PLCB1: variants seen among roughly 807,000 people sequenced by gnomAD.
PLCB1 encodes 1-phosphatidylinositol 4,5-bisphosphate phosphodiesterase beta-1.
PLCB1 carries 46 observed loss-of-function variants against 161.8 expected under a neutral mutation model. The ratio of observed to expected loss-of-function variants is 0.28; its 90% CI spans 0.22 to 0.36. The LOEUF is 0.36. Among genes scored for constraint, PLCB1 ranks in the 10% least tolerant of loss-of-function variants. The pLI is 1.00. For synonymous variants in PLCB1, 517 were observed against 503.7 expected (o/e 1.03, Z -0.35); for missense variants, 1,016 against 1,472.5 (o/e 0.69, Z 5.07).
intron 2 of PLCB1, among the ~76,000 whole-genome samples, chr20:8,304,636 T>TTGTGTGTGTGTGTGTGTG (rs143282077): frequency 6.6e-6 from 1 of 150,434 alleles, no homozygotes; most frequent in African/African-American, 2.4e-5. Flanking sequence ...TGAGAGTGCT[T>TTGTGTGTGTGTGTGTGTG]TGTGTGTGTG....
intron 9 of PLCB1, among the ~76,000 whole-genome samples, chr20:8,682,909 G>A (rs962719836): frequency 3.3e-5 from 5 of 151,968 alleles, no homozygotes; most frequent in African/African-American, 1.2e-4. Flanking sequence ...AAATAATTAA[G>A]TATTTATACA....
rs1191328729 is a variant in PLCB1 at position 8,658,767 on chromosome 20, G to A, written c.862+63G>A. On this transcript the variant is annotated intron_variant, in intron 9 of 31. Transcript: ENST00000338037. The stretch of plus-strand genomic sequence containing the variant: ...TTCTGATTGGGGGTAGTCACACGCT[G>A]GGAGTTAGGAACACCAGTGATCGTT... 1.9e-5 allele frequency: 26 copies of A among 1,375,336 alleles called. No homozygotes were observed. The Admixed American group carries it at 5.5e-4, about 29-fold the overall frequency. 85.2% of individuals were successfully genotyped at this position (1,375,336 alleles called of 1,614,324 possible).
intron 13 of PLCB1, 69 bp from the exon 14 acceptor site, chr20:8,717,601 TG>T: frequency 8.3e-7 from 1 of 1,201,150 alleles, no homozygotes; most frequent in Non-Finnish European, 1.2e-6. Flanking sequence ...ACAGCTGATC[TG>T]GGGGTCTGGG....
At chr20:8,728,963 T>G (rs950716130) in intron 17 of PLCB1, 87 bp from the exon 18 acceptor site, 5 of 873,514 alleles carry the variant, frequency 5.7e-6, no homozygotes, top group Non-Finnish European at 8.1e-6. Context: ...ATTTTCCAAA[T>G]GGAGAAAGAT....
At chr20:8,245,398 A>G (rs1980832715) in intron 2 of PLCB1, among the ~76,000 whole-genome samples, 1 of 151,894 alleles carries the variant, frequency 6.6e-6, no homozygotes, top group African/African-American at 2.4e-5. Flanking sequence ...TAGTATGCAA[A>G]CTTCCCTGCA....
Position 8,727,326 on chromosome 20 carries a change from GA to G in PLCB1, c.1699del (p.Met567CysfsTer21). Reference sequence around the variant, plus strand: ...TAACTCAGAAAGAAATAAAAGTTTTGAAATGTCTTCCTTCGTGGAAACCAAA... The same window carrying G: ...TAACTCAGAAAGAAATAAAAGTTTTGAATGTCTTCCTTCGTGGAAACCAAA... ...EISKKRNKSF[E>X]MSSFVETKGL... On this transcript the variant is annotated frameshift_variant, in exon 17 of 32. Transcript: ENST00000338037. LOFTEE classifies it high-confidence loss of function. The G allele has an allele frequency of 6.3e-7, 1 of 1,597,786 alleles. No homozygotes were observed.
At chr20:8,392,872 G>A (rs775047959) in intron 3 of PLCB1, among the ~76,000 whole-genome samples, 5 of 152,120 alleles carry the variant, frequency 3.3e-5, no homozygotes, top group East Asian at 1.9e-4. Context: ...AGGTATTTTC[G>A]TAGATGAAAG....
intron 3 of PLCB1, among the ~76,000 whole-genome samples, chr20:8,402,865 TA>T (rs1431854843): frequency 2.6e-5 from 4 of 151,890 alleles, no homozygotes; most frequent in Admixed American, 1.3e-4. Context: ...AAAAAAAATT[TA>T]AAAAAAGTTT....
chr20:8,683,217 C>T (rs1177102754), intron 9 of PLCB1, among the ~76,000 whole-genome samples: 2 of 151,802 alleles, frequency 1.3e-5, no homozygotes, highest in African/African-American at 4.8e-5. Flanking sequence ...AAGAATTATA[C>T]ACACACACGG....
chr20:8,644,894 A>G (rs1989114756), intron 4 of PLCB1, among the ~76,000 whole-genome samples: 2 of 152,218 alleles, frequency 1.3e-5, no homozygotes, highest in African/African-American at 2.4e-5. Context: ...AAGGGGGGAA[A>G]GGTGGGGAAA....
At chr20:8,575,701 G>T (rs931236754) in intron 3 of PLCB1, among the ~76,000 whole-genome samples, 6 of 152,222 alleles carry the variant, frequency 3.9e-5, no homozygotes, top group African/African-American at 1.4e-4. Context: ...TGTTTGCACT[G>T]TAAGGCTGGA....
chr20:8,424,824 G>A (rs1043002103), intron 3 of PLCB1, among the ~76,000 whole-genome samples: 3 of 152,070 alleles, frequency 2.0e-5, no homozygotes, highest in African/African-American at 7.2e-5. Context: ...AAGAATGAAG[G>A]AACAAAGAAG....
chr20:8,275,017 G>A (rs963945622), intron 2 of PLCB1, among the ~76,000 whole-genome samples: 2 of 151,974 alleles, frequency 1.3e-5, no homozygotes, highest in African/African-American at 4.8e-5. Flanking sequence ...ATTCTCTCTT[G>A]TCTTTTAAAG....
At chr20:8,749,718 C>A (rs1981353507) in intron 23 of PLCB1, among the ~76,000 whole-genome samples, 1 of 151,908 alleles carries the variant, frequency 6.6e-6, no homozygotes, top group South Asian at 2.1e-4. Flanking sequence ...GTTCTTTTAC[C>A]CTTTGATAGC....
At chr20:8,714,085 C>G (rs1440380213) in intron 12 of PLCB1, among the ~76,000 whole-genome samples, 1 of 152,134 alleles carries the variant, frequency 6.6e-6, no homozygotes, top group South Asian at 2.1e-4. Flanking sequence ...ATGTCATCTA[C>G]TTTGGCACAT....
Position 8,132,464 on chromosome 20 carries a change from C to T in PLCB1, c.-188C>T. ...GGCATGGCCGGGCGCTGCGCCCCCG[C>T]GCGCTCTGCCTGCTGAGCGGCGCCG... On this transcript the variant is annotated 5_prime_UTR_variant, in exon 1 of 32. Coordinates refer to ENST00000338037, the MANE Select transcript of PLCB1 (RefSeq NM_015192.4). The surrounding 1 kb of genome is among the most constrained non-coding windows in gnomAD (Gnocchi z 5.2). 6.0e-6 allele frequency: 2 copies of T among 333,020 alleles called. No individual in the cohort carries two copies. Among genetic ancestry groups the T allele is most frequent in the Non-Finnish European group, 1.1e-5 (2 of 184,244 alleles). 20.6% of individuals were successfully genotyped at this position (333,020 alleles called of 1,614,324 possible).
In PLCB1 at chr20:8,745,811, T is replaced by C. The variant is rs530496266; in HGVS notation, c.2523+4238T>C. On this transcript the variant is annotated intron_variant, in intron 23 of 31. Coordinates refer to ENST00000338037, the MANE Select transcript of PLCB1 (RefSeq NM_015192.4). Reference sequence around the variant, plus strand: ...ACAGTTAATTCCTTTAAATAAAAAGTCACGTAGAAAAATATAAAAACATAG... The same window carrying C: ...ACAGTTAATTCCTTTAAATAAAAAGCCACGTAGAAAAATATAAAAACATAG... 1.3e-3 allele frequency among the ~76,000 whole-genome samples: 194 copies of C among 152,250 alleles called. 1 individual carries two copies. The highest frequency in any genetic ancestry group is 4.6e-3 in the African/African-American group (192 of 41,562).
chr20:8,868,360 G>A (rs1987498532), intron 31 of PLCB1, among the ~76,000 whole-genome samples: 1 of 145,060 alleles, frequency 6.9e-6, no homozygotes, highest in Non-Finnish European at 1.5e-5. Context: ...ATTGTATTAT[G>A]AAGAGGACAG....
intron 2 of PLCB1, among the ~76,000 whole-genome samples, chr20:8,312,803 C>T (rs976028940): frequency 1.3e-5 from 2 of 151,932 alleles, no homozygotes; most frequent in African/African-American, 4.8e-5. Context: ...CTTTGTAGTT[C>T]CTGAGAGCCA....
Sources: allele counts gnomAD v4.1 joint callset (sites outside exome capture counted in the v4.1 genomes callset), GRCh38; gene constraint gnomAD v4.1.1; non-coding constraint Gnocchi (gnomAD v3.1); transcripts MANE v1.5; gene names NCBI Gene and HGNC (gene_info 2026-07-23, HGNC 2026-07-21).